The following ARHGEF17 variants were observed in gnomAD, a reference collection of about 807,000 sequenced individuals.
ARHGEF17 encodes the protein Rho guanine nucleotide exchange factor 17, also known as 164 kDa Rho-specific guanine-nucleotide exchange factor.
ARHGEF17 carries 80 observed loss-of-function variants against 174.0 expected under a neutral mutation model. The ratio of observed to expected loss-of-function variants is 0.46; its 90% CI spans 0.38 to 0.55. The LOEUF is 0.55. Ranked by LOEUF, ARHGEF17 falls within the 20% of genes least tolerant of loss-of-function variation. The pLI is 0.00. For missense variants in ARHGEF17, 2,886 were observed against 2,839.7 expected (o/e 1.02, Z -0.37); for synonymous variants, 1,311 against 1,189.1 (o/e 1.10, Z -2.11).
At chr11:73,358,211 T>A (rs1316102563) in intron 9 of ARHGEF17, among the ~76,000 whole-genome samples, 1 of 152,154 alleles carries the variant, frequency 6.6e-6, no homozygotes, top group East Asian at 1.9e-4. Context: ...TCAGGCTGTT[T>A]TAACAAAAAT....
Position 73,363,370 on chromosome 11 carries a change from T to G in ARHGEF17, c.5161T>G (p.Phe1721Val), listed in dbSNP as rs890955588. 18 of 1,613,044 alleles carry G rather than the reference T, an allele frequency of 1.1e-5. No individual in the cohort carries two copies. The African/African-American group carries it at 2.0e-4, about 18-fold the overall frequency. The change falls in exon 15 of 21, where the codon TTC (phenylalanine) becomes GTC (valine). Residue 1721 changes from phenylalanine to valine, a missense_variant. This residue lies in a region of ARHGEF17 where 476 missense variants were observed against 473.1 expected (regional missense o/e 1.01). Coordinates refer to ENST00000263674, the MANE Select transcript of ARHGEF17 (RefSeq NM_014786.4). ...RALRRSSHGS[F>V]TRGSLEDLLS... is the part of the protein sequence containing the mutation. ...CCTTCGCCGCTCCAGCCACGGCTCC[T>G]TCACCCGGGGCAGCCTTGAGGACCT...
intron 1 of ARHGEF17, among the ~76,000 whole-genome samples, chr11:73,318,307 G>A (rs1864960566): frequency 1.3e-5 from 2 of 151,968 alleles, no homozygotes; most frequent in Admixed American, 6.6e-5. Flanking sequence ...TGTGGGGCCT[G>A]TCCAGAAGTG....
At position 73,346,940 on chromosome 11, in the gene ARHGEF17, T is replaced by C; in HGVS notation, c.3250T>C (p.Ser1084Pro). 2 of 1,572,048 alleles carry C rather than the reference T, an allele frequency of 1.3e-6. No individual in the cohort carries two copies. The highest frequency in any genetic ancestry group is 1.7e-6 in the Non-Finnish European group (2 of 1,152,310). The change falls in exon 2 of 21, where the codon TCG becomes CCG. Residue 1084 changes from serine (S) to proline (P), a missense_variant. Physicochemically the swap from Ser to Pro is moderately conservative, Grantham distance 74. Coordinates refer to ENST00000263674, the MANE Select transcript of ARHGEF17 (RefSeq NM_014786.4). ...LLDTEQSYVESLRTLMQGYMQ... is the reference protein window; with the variant it reads ...LLDTEQSYVEPLRTLMQGYMQ... ...GGACACAGAGCAGTCGTATGTGGAG[T>C]CGCTGCGCACCCTGATGCAGGTGGG...
rs1032482804 is a variant in ARHGEF17 at position 73,367,805 on chromosome 11, C to A, written c.*25C>A. On this transcript the variant is annotated 3_prime_UTR_variant, in exon 21 of 21. Coordinates refer to ENST00000263674, the MANE Select transcript of ARHGEF17 (RefSeq NM_014786.4). ...ACCCTGTCTGCCGTGGCCCAGGACTCGCCCGCCCACCTGCCTTCAGCCTGC... is the reference window on the plus strand; with the variant it reads ...ACCCTGTCTGCCGTGGCCCAGGACTAGCCCGCCCACCTGCCTTCAGCCTGC... The A allele has an allele frequency of 1.9e-6, 3 of 1,586,056 alleles. No homozygotes were observed. The highest frequency in any genetic ancestry group is 1.7e-5 in the Admixed American group (1 of 59,004).
At position 73,362,541 on chromosome 11, in the gene ARHGEF17, G is replaced by C. The variant is rs1865763411; in HGVS notation, c.4803G>C (p.Glu1601Asp). 2.5e-6 allele frequency: 4 copies of C among 1,607,346 alleles called. No homozygotes were observed. The East Asian group carries it at 8.9e-5, about 36-fold the overall frequency. Reference protein sequence around the residue: ...AADEEAATLAEPGPQPCLHIS... With the variant: ...AADEEAATLADPGPQPCLHIS... ...ACGAGGAAGCCGCGACGCTCGCGGA[G>C]CCGGGGCCGCAGCCCTGCCTTCACA... The change falls in exon 14 of 21, where the codon GAG (glutamate) becomes GAC (aspartate). Residue 1601 changes from glutamate (E) to aspartate (D), a missense_variant. This residue lies in a region of ARHGEF17 where 476 missense variants were observed against 473.1 expected (regional missense o/e 1.01). Transcript: ENST00000263674.
intron 15 of ARHGEF17, 107 bp from the exon 16 acceptor site, chr11:73,363,640 G>A: frequency 6.6e-7 from 1 of 1,512,066 alleles, no homozygotes. Context: ...ACCTTGGGCA[G>A]GCACCCAGCA....
At position 73,362,166 on chromosome 11, in the gene ARHGEF17, G is replaced by C; in HGVS notation, c.4621G>C (p.Ala1541Pro). The change falls in exon 13 of 21, where the codon GCC (alanine) becomes CCC (proline). Residue 1541 changes from alanine to proline, a missense_variant. Ala to Pro is a conservative substitution (Grantham distance 27, BLOSUM62 -1). Coordinates refer to ENST00000263674, the MANE Select transcript of ARHGEF17 (RefSeq NM_014786.4). ...CCTGCGCGCCGAGCCGGACGTGGAGGCCTGCATCGCCGTCTGTTCCGCCCG... is the reference window on the plus strand; with the variant it reads ...CCTGCGCGCCGAGCCGGACGTGGAGCCCTGCATCGCCGTCTGTTCCGCCCG... ...LSLRAEPDVE[A>P]CIAVCSARIL... The C allele has an allele frequency of 6.3e-7, 1 of 1,596,900 alleles. No homozygotes were observed. The highest frequency in any genetic ancestry group is 8.5e-7 in the Non-Finnish European group (1 of 1,174,284).
intron 2 of ARHGEF17, among the ~76,000 whole-genome samples, chr11:73,347,574 A>T (rs938782070): frequency 2.6e-5 from 4 of 152,226 alleles, no homozygotes; most frequent in Non-Finnish European, 5.9e-5. Flanking sequence ...GAGGCCTGGC[A>T]CATTCGGAGG....
chr11:73,319,252 C>T (rs1343835578), intron 1 of ARHGEF17, among the ~76,000 whole-genome samples: 3 of 152,048 alleles, frequency 2.0e-5, no homozygotes, highest in African/African-American at 4.8e-5. Context: ...TTAGTAGAGA[C>T]GGGGTTTCAC....
chr11:73,332,892 A>G (rs1865231243), intron 1 of ARHGEF17, among the ~76,000 whole-genome samples: 1 of 152,196 alleles, frequency 6.6e-6, no homozygotes, highest in South Asian at 2.1e-4. Context: ...GCGCAGAGGA[A>G]TCCCTCAGGA....
At chr11:73,362,265 G>A in intron 13 of ARHGEF17, 26 bp downstream of exon 13, 1 of 1,485,818 alleles carries the variant, frequency 6.7e-7, no homozygotes, top group Non-Finnish European at 8.9e-7. Context: ...CGGGGTGGGC[G>A]GCACCGCGGG....
chr11:73,329,674 A>G (rs1459126871), intron 1 of ARHGEF17, among the ~76,000 whole-genome samples: 2 of 152,072 alleles, frequency 1.3e-5, no homozygotes, highest in African/African-American at 4.8e-5. Context: ...TGCTGGGATT[A>G]CAGGCGTGAG....
At chr11:73,333,268 G>A (rs147475688) in intron 1 of ARHGEF17, among the ~76,000 whole-genome samples, 366 of 152,354 alleles carry the variant, frequency 2.4e-3, no homozygotes, top group African/African-American at 8.1e-3. Flanking sequence ...ACTTTCTGGC[G>A]GTGGTGGCCT....
At chr11:73,323,708 G>A (rs1865055171) in intron 1 of ARHGEF17, among the ~76,000 whole-genome samples, 4 of 152,262 alleles carry the variant, frequency 2.6e-5, no homozygotes, top group Admixed American at 6.5e-5. Context: ...GCCTGGGGCG[G>A]GTGAGGAATT....
At chr11:73,364,646 G>A (rs1484715080) in intron 18 of ARHGEF17, 46 bp downstream of exon 18, 2 of 1,571,566 alleles carry the variant, frequency 1.3e-6, no homozygotes, top group Non-Finnish European at 1.7e-6. Flanking sequence ...GGATGAGCTA[G>A]GTCCGTGTGA....
At chr11:73,329,267 T>C (rs1195837370) in intron 1 of ARHGEF17, among the ~76,000 whole-genome samples, 1 of 138,940 alleles carries the variant, frequency 7.2e-6, no homozygotes, top group Admixed American at 7.4e-5. Flanking sequence ...TGCCCCTTGC[T>C]CGTTACACTT....
intron 1 of ARHGEF17, among the ~76,000 whole-genome samples, chr11:73,314,020 C>T (rs1406417649): frequency 6.6e-6 from 1 of 152,206 alleles, no homozygotes; most frequent in African/African-American, 2.4e-5. Flanking sequence ...ACTGCAGTAG[C>T]CTCTGAGAAC....
chr11:73,364,943 A>G (rs1176874682), intron 18 of ARHGEF17: 1 of 314,490 alleles, frequency 3.2e-6, no homozygotes, highest in East Asian at 6.8e-5. Flanking sequence ...ATTGCTGCAC[A>G]TGTCACTTGC....
chr11:73,359,830 C>G lies in ARHGEF17; in HGVS notation c.4088-4C>G, dbSNP rs1865706591. On this transcript the variant is annotated splice_polypyrimidine_tract_variant and splice_region_variant and intron_variant, in intron 9 of 20. Coordinates refer to ENST00000263674, the MANE Select transcript of ARHGEF17 (RefSeq NM_014786.4). ...CAGTCCACGGCCTTCCTCTCTCCCT[C>G]TAGGGGCATCCCAAGCCACCAATCG... 3 of 1,598,974 alleles carry G rather than the reference C, an allele frequency of 1.9e-6. No homozygotes were observed. Among genetic ancestry groups the G allele is most frequent in the Non-Finnish European group, 2.6e-6 (3 of 1,172,628 alleles).
Sources: gnomAD v4.1 joint callset for allele counts (sites outside exome capture counted in the v4.1 genomes callset) on GRCh38, gnomAD v4.1.1 for gene constraint, gnomAD v4.1.1 regional missense constraint, MANE v1.5 for transcripts, NCBI Gene and HGNC (gene_info 2026-07-23, HGNC 2026-07-21) for gene names.